MON2: variants seen among roughly 807,000 people sequenced by gnomAD.
The protein encoded by MON2 is protein MON2 homolog.
MON2 carries 84 observed loss-of-function variants against 208.6 expected under a neutral mutation model. The observed-to-expected ratio is 0.40, with a 90% CI of 0.34 to 0.48. The LOEUF (loss-of-function observed/expected upper bound fraction) is 0.48. MON2 is among the 20% of genes least tolerant of loss of function. MON2 has a pLI of 0.59. For synonymous variants in MON2, 660 were observed against 694.0 expected, an observed-to-expected ratio of 0.95 and a Z score of 0.77; for missense variants, 1,611 against 2,015.4, an observed-to-expected ratio of 0.80 and a Z score of 3.84.
chr12:62,497,965 C>G (rs1403552358), intron 4 of MON2, among the ~76,000 whole-genome samples: 1 of 152,104 alleles, frequency 6.6e-6, no homozygotes, highest in East Asian at 1.9e-4. Flanking sequence ...GATGACCCAT[C>G]CATTTCACTT....
Position 62,524,515 on chromosome 12 carries a change from G to A in MON2, c.985G>A (p.Val329Ile). Reference protein sequence around the residue: ...VLIKQFYSLLVTECEIFLSLL... With the variant: ...VLIKQFYSLLITECEIFLSLL... Reference sequence around the variant, plus strand: ...AGTATTAAAAATCATATATTTTTAGGTAACTGAATGTGAGATATTTCTGTC... The same window carrying A: ...AGTATTAAAAATCATATATTTTTAGATAACTGAATGTGAGATATTTCTGTC... Residue 329 changes from valine to isoleucine, a missense_variant and splice_region_variant, in exon 9 of 35, where the codon GTA (valine) becomes ATA (isoleucine). Transcript: ENST00000393630. 1 of 1,603,782 alleles carries A rather than the reference G, an allele frequency of 6.2e-7. No homozygotes were observed. The highest frequency in any genetic ancestry group is 1.1e-5 in the South Asian group (1 of 90,694).
intron 1 of MON2, among the ~76,000 whole-genome samples, chr12:62,475,935 C>T (rs955429627): frequency 2.2e-4 from 33 of 151,846 alleles, no homozygotes; most frequent in African/African-American, 6.7e-4. Flanking sequence ...CACTTGAACC[C>T]GGGAGGTGGA....
At chr12:62,549,159 C>T (rs1436597128) in intron 22 of MON2, among the ~76,000 whole-genome samples, 1 of 151,920 alleles carries the variant, frequency 6.6e-6, no homozygotes, top group East Asian at 1.9e-4. Context: ...TGCCTGTAAG[C>T]TTCTTTCTTT....
At chr12:62,503,339 G>A (rs964768014) in intron 7 of MON2, among the ~76,000 whole-genome samples, 3 of 152,096 alleles carry the variant, frequency 2.0e-5, no homozygotes, top group Admixed American at 6.5e-5. Flanking sequence ...ATCACATCCC[G>A]ACCATCACCT....
intron 30 of MON2, among the ~76,000 whole-genome samples, chr12:62,577,951 A>G (rs2074851402): frequency 6.6e-6 from 1 of 152,094 alleles, no homozygotes; most frequent in Non-Finnish European, 1.5e-5. Flanking sequence ...GAAAATCTGC[A>G]TCAGTCTTCT....
chr12:62,478,186 T>C (rs2069199463), intron 1 of MON2, among the ~76,000 whole-genome samples: 1 of 152,110 alleles, frequency 6.6e-6, no homozygotes, highest in South Asian at 2.1e-4. Flanking sequence ...TTTAGAACTT[T>C]CCATTTCTTC....
intron 1 of MON2, among the ~76,000 whole-genome samples, chr12:62,478,836 TAATG>T (rs1337431146): frequency 2.6e-5 from 4 of 152,124 alleles, no homozygotes; most frequent in Non-Finnish European, 5.9e-5. Context: ...TTTAGGTTGA[TAATG>T]AGTGTTGAAC....
intron 11 of MON2, among the ~76,000 whole-genome samples, chr12:62,531,155 C>A (rs2136212285): frequency 6.6e-6 from 1 of 152,170 alleles, no homozygotes; most frequent in East Asian, 1.9e-4. Flanking sequence ...CAAAAGTTTT[C>A]TTTCATTCTG....
At chr12:62,526,334 A>C (rs928826403) in intron 11 of MON2, among the ~76,000 whole-genome samples, 7 of 152,168 alleles carry the variant, frequency 4.6e-5, no homozygotes, top group Non-Finnish European at 1.0e-4. Flanking sequence ...ATTTCTTTAC[A>C]TATGGACCTA....
At chr12:62,588,016 C>T (rs764992131) in intron 33 of MON2, 58 bp from the exon 34 acceptor site, 5 of 1,157,194 alleles carry the variant, frequency 4.3e-6, no homozygotes, top group Non-Finnish European at 5.1e-6. Flanking sequence ...GTTTAAAAAA[C>T]AAACATACCT....
In MON2 at chr12:62,508,356, T is replaced by C. The variant is rs774356034; in HGVS notation, c.860T>C (p.Ile287Thr). 4 of 1,614,016 alleles carry C rather than the reference T, an allele frequency of 2.5e-6. No homozygotes were observed. The highest frequency in any genetic ancestry group is 2.5e-6 in the Non-Finnish European group (3 of 1,179,894). The part of the protein sequence containing the change: ...PLVIKLFSPN[I>T]KFRQGSSTSS... ...GTGATAAAGCTCTTTTCTCCAAATA[T>C]AAAGTTCAGACAAGGTTCCAGCACC... is the stretch of plus-strand genomic sequence containing the variant. Residue 287 changes from isoleucine (I) to threonine (T), a missense_variant, in exon 8 of 35, where the codon ATA (isoleucine) becomes ACA (threonine). Coordinates refer to ENST00000393630, the MANE Select transcript of MON2 (RefSeq NM_015026.3).
Position 62,484,213 on chromosome 12 carries a change from G to A in MON2, c.155G>A (p.Arg52Gln), listed in dbSNP as rs201342842. 127 of 1,599,276 alleles carry A rather than the reference G, an allele frequency of 7.9e-5. No individual in the cohort carries two copies. Among genetic ancestry groups the A allele is most frequent in the Non-Finnish European group, 9.5e-5 (111 of 1,173,808 alleles). Residue 52 changes from arginine to glutamine, a missense_variant, in exon 2 of 35, where the codon CGA (arginine) becomes CAA (glutamine). By Grantham distance (43) the Arg-to-Gln change is conservative. Transcript: ENST00000393630. ...ATAAAAGTTAAAACAATTGCTGCACGAAACACTGAAATTTTGGCAGGTAAT... is the reference window on the plus strand; with the variant it reads ...ATAAAAGTTAAAACAATTGCTGCACAAAACACTGAAATTTTGGCAGGTAAT... Reference protein sequence around the residue: ...GIIKVKTIAARNTEILAALKE... With the variant: ...GIIKVKTIAAQNTEILAALKE...
At chr12:62,518,057 G>A (rs541262561) in intron 8 of MON2, among the ~76,000 whole-genome samples, 37 of 152,294 alleles carry the variant, frequency 2.4e-4, no homozygotes, top group Non-Finnish European at 4.6e-4. Flanking sequence ...CATATCTGGT[G>A]TCTGGTAAGG....
chr12:62,575,034 G>A (rs1003406319), intron 30 of MON2, among the ~76,000 whole-genome samples: 3 of 152,172 alleles, frequency 2.0e-5, no homozygotes. Flanking sequence ...GCTGAGGTGG[G>A]ATGATCACTT....
At chr12:62,534,262 T>C (rs915166622) in intron 12 of MON2, among the ~76,000 whole-genome samples, 2 of 151,266 alleles carry the variant, frequency 1.3e-5, no homozygotes, top group Non-Finnish European at 2.9e-5. Flanking sequence ...GGCTCACGCC[T>C]GTAATCCCAG....
At chr12:62,534,542 A>T (rs12817600) in intron 12 of MON2, among the ~76,000 whole-genome samples, 1,208 of 22,174 alleles carry the variant, frequency 0.054, 55 homozygotes, top group East Asian at 0.11. Context: ...AAAAAAAAAA[A>T]ATATATATAT....
At chr12:62,482,021 T>A (rs1056778014) in intron 1 of MON2, among the ~76,000 whole-genome samples, 1 of 152,224 alleles carries the variant, frequency 6.6e-6, no homozygotes, top group African/African-American at 2.4e-5. Context: ...CTTCTGGGTA[T>A]GCTGGTCACT....
chr12:62,488,464 G>T (rs1311950218), intron 2 of MON2, among the ~76,000 whole-genome samples: 1 of 152,162 alleles, frequency 6.6e-6, no homozygotes, highest in Non-Finnish European at 1.5e-5. Context: ...TATGAAGGGG[G>T]AATAGGTGTC....
intron 11 of MON2, among the ~76,000 whole-genome samples, chr12:62,527,848 A>G (rs1393122635): frequency 4.0e-5 from 6 of 151,466 alleles, no homozygotes; most frequent in Non-Finnish European, 8.8e-5. Flanking sequence ...GAGGAAGGAA[A>G]AAAAAAAAAA....
Sources: allele counts gnomAD v4.1 joint callset (sites outside exome capture counted in the v4.1 genomes callset), GRCh38; gene constraint gnomAD v4.1.1; transcripts MANE v1.5; gene names NCBI Gene and HGNC (gene_info 2026-07-23, HGNC 2026-07-21).